KCNIP4: variants seen among roughly 807,000 people sequenced by gnomAD.
KCNIP4 encodes potassium voltage-gated channel interacting protein 4.
A neutral mutation model predicts 34.0 loss-of-function variants in KCNIP4; 12 were observed. The observed-to-expected ratio is 0.35, with a 90% confidence interval of 0.23 to 0.57. The LOEUF is 0.57. Ranked by LOEUF, KCNIP4 falls within the 20% of genes least tolerant of loss-of-function variation. KCNIP4 has a pLI of 0.83. For synonymous variants in KCNIP4, 124 were observed against 102.2 expected (o/e 1.21, Z -1.29); for missense variants, 238 against 311.7 (o/e 0.76, Z 1.78).
At chr4:20,777,770 G>A (rs943720487) in intron 3 of KCNIP4, among the ~76,000 whole-genome samples, 45 of 152,196 alleles carry the variant, frequency 3.0e-4, no homozygotes, top group African/African-American at 9.9e-4. Flanking sequence ...GAAGTTTGAC[G>A]TTCCTGAGGG....
intron 1 of KCNIP4, among the ~76,000 whole-genome samples, chr4:21,309,327 C>G (rs1712864699): frequency 2.6e-5 from 4 of 152,068 alleles, no homozygotes; most frequent in Admixed American, 1.3e-4. Flanking sequence ...ATCTTTCATT[C>G]AATTGCTAAA....
intron 1 of KCNIP4, among the ~76,000 whole-genome samples, chr4:21,258,002 G>T (rs1761191671): frequency 6.6e-6 from 1 of 152,068 alleles, no homozygotes; most frequent in South Asian, 2.1e-4. Flanking sequence ...TTTCTTAGCT[G>T]CTTTACTTTG....
At chr4:21,868,217 GAT>G (rs1553940727) in intron 1 of KCNIP4, among the ~76,000 whole-genome samples, 1 of 152,054 alleles carries the variant, frequency 6.6e-6, no homozygotes, top group Non-Finnish European at 1.5e-5. Flanking sequence ...AAATAGCATA[GAT>G]ATTTTATTGA....
At chr4:21,519,330 G>GGA (rs551344317) in intron 1 of KCNIP4, among the ~76,000 whole-genome samples, 1 of 135,804 alleles carries the variant, frequency 7.4e-6, no homozygotes, top group Non-Finnish European at 1.6e-5. Flanking sequence ...AGAAATAATA[G>GGA]GAGAGAGAGA....
At chr4:21,591,561 G>A (rs187442463) in intron 1 of KCNIP4, among the ~76,000 whole-genome samples, 45 of 152,016 alleles carry the variant, frequency 3.0e-4, no homozygotes, top group African/African-American at 9.4e-4. Flanking sequence ...TTGGATGTAC[G>A]TGTAAATTCT....
chr4:21,862,194 A>T (rs867160035), intron 1 of KCNIP4, among the ~76,000 whole-genome samples: 1 of 152,112 alleles, frequency 6.6e-6, no homozygotes, highest in Non-Finnish European at 1.5e-5. Context: ...CTGTTACTTT[A>T]GGCTGCTTTA....
At chr4:20,916,152 C>T (rs1199550300) in intron 1 of KCNIP4, among the ~76,000 whole-genome samples, 1 of 152,154 alleles carries the variant, frequency 6.6e-6, no homozygotes, top group East Asian at 1.9e-4. Context: ...ACTTTGTGGT[C>T]ATACCACAAT....
chr4:21,237,277 T>C lies in KCNIP4; in HGVS notation c.62-354568A>G, dbSNP rs148140723. 2.0e-4 allele frequency among the ~76,000 whole-genome samples: 31 copies of C among 152,284 alleles called. No homozygotes were observed. In the East Asian group the frequency reaches 5.8e-3, roughly 28 times the overall value. On this transcript the variant is annotated intron_variant, in intron 1 of 8. Coordinates refer to ENST00000382152, the MANE Select transcript of KCNIP4 (RefSeq NM_025221.6). Reference sequence around the variant, plus strand: ...AAACAAGTTAGACAAGGTGCTTGTCTCATGGAGCTTATTTTATAACGAGGG... The same window carrying C: ...AAACAAGTTAGACAAGGTGCTTGTCCCATGGAGCTTATTTTATAACGAGGG...
At chr4:21,111,260 G>A (rs916845507) in intron 1 of KCNIP4, among the ~76,000 whole-genome samples, 5 of 151,680 alleles carry the variant, frequency 3.3e-5, no homozygotes, top group Non-Finnish European at 7.4e-5. Context: ...TTGATCCTTG[G>A]CTTTGAGTTT....
At chr4:21,465,373 T>C (rs1729829370) in intron 1 of KCNIP4, among the ~76,000 whole-genome samples, 1 of 152,154 alleles carries the variant, frequency 6.6e-6, no homozygotes, top group African/African-American at 2.4e-5. Context: ...ATGCTTTCTG[T>C]CCACAGGATT....
chr4:21,434,053 C>A (rs1726735484), intron 1 of KCNIP4, among the ~76,000 whole-genome samples: 1 of 152,130 alleles, frequency 6.6e-6, no homozygotes, highest in African/African-American at 2.4e-5. Flanking sequence ...TCCAGGCTCT[C>A]AGCTCAGAAG....
At chr4:21,713,209 T>A (rs1379745838) in intron 1 of KCNIP4, among the ~76,000 whole-genome samples, 2 of 152,322 alleles carry the variant, frequency 1.3e-5, no homozygotes, top group East Asian at 3.9e-4. Flanking sequence ...TTAAACACAT[T>A]GGAAATTCTT....
chr4:20,762,954 C>A (rs1367121698), intron 3 of KCNIP4, among the ~76,000 whole-genome samples: 1 of 73,158 alleles, frequency 1.4e-5, no homozygotes, highest in Non-Finnish European at 2.4e-5. Flanking sequence ...CACAAGGCAG[C>A]AAGAAAGGAG....
intron 1 of KCNIP4, among the ~76,000 whole-genome samples, chr4:21,072,009 A>G (rs947583007): frequency 3.9e-5 from 6 of 152,312 alleles, no homozygotes; most frequent in Non-Finnish European, 7.3e-5. Context: ...TCCATGATGT[A>G]TATGTGCCAC....
chr4:21,387,793 T>C (rs1303386936), intron 1 of KCNIP4, among the ~76,000 whole-genome samples: 1 of 152,268 alleles, frequency 6.6e-6, no homozygotes, highest in Non-Finnish European at 1.5e-5. Context: ...AATAAAATAA[T>C]GTCTATCAAA....
In KCNIP4 at chr4:21,210,163, A is replaced by T. The variant is rs180690530; in HGVS notation, c.62-327454T>A. ...AAGACTCCTAAATAACAGGAAAGTTATCTTCACTCAACTAGCTGCCTGGTA... is the reference window on the plus strand; with the variant it reads ...AAGACTCCTAAATAACAGGAAAGTTTTCTTCACTCAACTAGCTGCCTGGTA... On this transcript the variant is annotated intron_variant, in intron 1 of 8. Transcript: ENST00000382152. Among the ~76,000 whole-genome samples, 280 of 152,350 alleles carry T rather than the reference A, an allele frequency of 1.8e-3. 1 individual carries two copies. Among genetic ancestry groups the T allele is most frequent in the South Asian group, 5.6e-3 (27 of 4,824 alleles).
intron 1 of KCNIP4, among the ~76,000 whole-genome samples, chr4:21,563,653 C>T (rs7655166): frequency 0.44 from 67,307 of 151,724 alleles, 14,967 homozygotes; most frequent in East Asian, 0.56. Context: ...GTAGGAGAGA[C>T]ACATAAAATA....
At chr4:21,308,557 C>T (rs1230937074) in intron 1 of KCNIP4, among the ~76,000 whole-genome samples, 1 of 152,184 alleles carries the variant, frequency 6.6e-6, no homozygotes, top group Non-Finnish European at 1.5e-5. Flanking sequence ...TCCCATGTGT[C>T]TCATGTAACA....
intron 3 of KCNIP4, among the ~76,000 whole-genome samples, chr4:20,840,101 C>G (rs80060054): frequency 0.05 from 7,619 of 152,248 alleles, 252 homozygotes; most frequent in Admixed American, 0.086. Context: ...TACTGAACGT[C>G]TAATGGCTTC....
Sources: gnomAD v4.1 joint callset for allele counts (sites outside exome capture counted in the v4.1 genomes callset) on GRCh38, gnomAD v4.1.1 for gene constraint, MANE v1.5 for transcripts, NCBI Gene and HGNC (gene_info 2026-07-23, HGNC 2026-07-21) for gene names.